The following IFT80 variants were observed in gnomAD, a reference collection of about 807,000 sequenced individuals.
IFT80 encodes intraflagellar transport protein 80 homolog.
IFT80 carries 79 observed loss-of-function variants against 107.9 expected under a neutral mutation model. The ratio of observed to expected loss-of-function variants is 0.73; its 90% CI spans 0.61 to 0.88. The LOEUF (loss-of-function observed/expected upper bound fraction) is 0.88, where lower values mean the gene tolerates loss of function less well. Among genes scored for constraint, IFT80 ranks in the 40% least tolerant of loss-of-function variants. IFT80 has a pLI of 0.00. For missense variants in IFT80, 797 were observed against 914.2 expected, an observed-to-expected ratio of 0.87 and a Z score of 1.65; for synonymous variants, 299 against 300.9, an observed-to-expected ratio of 0.99 and a Z score of 0.07.
chr3:160,281,014 C>T (rs542616153), intron 14 of IFT80, among the ~76,000 whole-genome samples, 200 bp from the exon 15 acceptor site: 1 of 152,192 alleles, frequency 6.6e-6, no homozygotes, highest in South Asian at 2.1e-4. Context: ...TTACTTAGAA[C>T]CCTTATATTT....
intron 1 of IFT80, among the ~76,000 whole-genome samples, chr3:160,385,637 T>C (rs1207424712): frequency 2.0e-5 from 3 of 152,202 alleles, no homozygotes; most frequent in Non-Finnish European, 2.9e-5. Flanking sequence ...TCTCTTCCAG[T>C]TCTCTTAAGG....
At chr3:160,317,959 G>C (rs1717936109) in intron 9 of IFT80, among the ~76,000 whole-genome samples, 1 of 151,644 alleles carries the variant, frequency 6.6e-6, no homozygotes, top group South Asian at 2.1e-4. Context: ...GTGGATATTT[G>C]ATAATATTAA....
At chr3:160,273,552 T>C (rs993801091) in intron 18 of IFT80, among the ~76,000 whole-genome samples, 11 of 152,176 alleles carry the variant, frequency 7.2e-5, no homozygotes, top group African/African-American at 1.4e-4. Flanking sequence ...AAGTAACTTC[T>C]ACGTTTCCAG....
At chr3:160,302,729 T>C (rs1716536921) in intron 11 of IFT80, among the ~76,000 whole-genome samples, 1 of 152,116 alleles carries the variant, frequency 6.6e-6, no homozygotes, top group Non-Finnish European at 1.5e-5. Flanking sequence ...ATCTTACCTT[T>C]TAAATGACAA....
intron 8 of IFT80, among the ~76,000 whole-genome samples, chr3:160,328,884 G>A (rs1014919717): frequency 6.6e-6 from 1 of 152,002 alleles, no homozygotes; most frequent in Non-Finnish European, 1.5e-5. Context: ...ACAAACACAG[G>A]AGCAGAAAAA....
In IFT80 at chr3:160,257,967, T is replaced by C. The variant is rs1559904470; in HGVS notation, c.*558A>G. ...TAAAGCTAAATAATATTCCATTGTA[T>C]GTATTATAGCACATTTGTTTATCCA... On this transcript the variant is annotated 3_prime_UTR_variant, in exon 20 of 20. Transcript: ENST00000326448. The C allele has an allele frequency of 6.4e-6, 1 of 156,362 alleles. No homozygotes were observed. Among genetic ancestry groups the C allele is most frequent in the East Asian group, 1.9e-4 (1 of 5,326 alleles). 9.7% of individuals were successfully genotyped at this position (156,362 alleles called of 1,614,324 possible).
chr3:160,350,813 CA>C (rs541074409), intron 8 of IFT80, among the ~76,000 whole-genome samples: 3 of 138,990 alleles, frequency 2.2e-5, no homozygotes, highest in Admixed American at 7.2e-5. Context: ...GGCTCCGTTT[CA>C]AAAAAAAAAA....
At chr3:160,366,545 T>C (rs1048030284) in intron 5 of IFT80, among the ~76,000 whole-genome samples, 2 of 152,156 alleles carry the variant, frequency 1.3e-5, no homozygotes, top group Admixed American at 6.6e-5. Context: ...TCAGTATGTA[T>C]TTATTTATTG....
At chr3:160,288,077 G>T (rs1715234472) in intron 12 of IFT80, among the ~76,000 whole-genome samples, 1 of 152,232 alleles carries the variant, frequency 6.6e-6, no homozygotes, top group East Asian at 1.9e-4. Context: ...GGGCGCAGTG[G>T]CTCACGCCTG....
At chr3:160,304,338 CAG>C (rs1716661735) in intron 10 of IFT80, among the ~76,000 whole-genome samples, 1 of 151,932 alleles carries the variant, frequency 6.6e-6, no homozygotes, top group South Asian at 2.1e-4. Context: ...ATTTTAAAAA[CAG>C]TAGCAGCATG....
chr3:160,294,407 A>C (rs959161515), intron 12 of IFT80, among the ~76,000 whole-genome samples: 4 of 152,074 alleles, frequency 2.6e-5, no homozygotes, highest in Non-Finnish European at 1.5e-5. Context: ...ATTTTGTAGA[A>C]ATGTGGTTTC....
At chr3:160,313,053 A>AATATAATATATATTATATATATTTT (rs1180126910) in intron 9 of IFT80, among the ~76,000 whole-genome samples, 164 of 91,790 alleles carry the variant, frequency 1.8e-3, no homozygotes, top group Middle Eastern at 4.9e-3. Flanking sequence ...ATATATAATA[A>AATATAATATATATTATATATATTTT]ATATAATATA....
intron 8 of IFT80, among the ~76,000 whole-genome samples, chr3:160,346,211 T>C (rs754670034): frequency 2.6e-5 from 4 of 152,142 alleles, no homozygotes; most frequent in African/African-American, 9.7e-5. Context: ...TTAATAATAA[T>C]AACAAAGTAT....
At chr3:160,383,232 T>C (rs1378720368) in intron 2 of IFT80, among the ~76,000 whole-genome samples, 2 of 152,208 alleles carry the variant, frequency 1.3e-5, no homozygotes, top group Non-Finnish European at 1.5e-5. Context: ...CAAGAAAGTC[T>C]AAAAACATTG....
At chr3:160,282,635 A>G (rs1321049691) in intron 13 of IFT80, 22 bp from the exon 14 acceptor site, 3 of 1,432,828 alleles carry the variant, frequency 2.1e-6, no homozygotes, top group Non-Finnish European at 2.9e-6. Flanking sequence ...TTTAAATGTA[A>G]ATACTGGGTT....
At chr3:160,307,544 A>G in intron 10 of IFT80, 119 bp downstream of exon 10, 1 of 748,570 alleles carries the variant, frequency 1.3e-6, no homozygotes, top group South Asian at 1.4e-5. Context: ...AGTTCAGGAT[A>G]GCTGAGGTTT....
chr3:160,379,918 T>C (rs192378947), intron 3 of IFT80, among the ~76,000 whole-genome samples: 15 of 152,310 alleles, frequency 9.8e-5, no homozygotes, highest in Non-Finnish European at 1.8e-4. Context: ...ATACTACTGT[T>C]TGTCCTAACA....
At chr3:160,271,784 T>C (rs1366389148) in intron 18 of IFT80, among the ~76,000 whole-genome samples, 1 of 152,044 alleles carries the variant, frequency 6.6e-6, no homozygotes, top group Non-Finnish European at 1.5e-5. Context: ...ACAAATTCTA[T>C]CCTTCTGGAA....
At chr3:160,357,795 G>A (rs1375082553) in intron 6 of IFT80, among the ~76,000 whole-genome samples, 3 of 151,984 alleles carry the variant, frequency 2.0e-5, no homozygotes, top group African/African-American at 7.3e-5. Flanking sequence ...CCACTATATA[G>A]CCTCAAACCT....
Sources: gnomAD v4.1 joint callset for allele counts (sites outside exome capture counted in the v4.1 genomes callset) on GRCh38, gnomAD v4.1.1 for gene constraint, MANE v1.5 for transcripts, NCBI Gene and HGNC (gene_info 2026-07-23, HGNC 2026-07-21) for gene names.